PAGE2B: variants seen among roughly 807,000 people sequenced by gnomAD.
PAGE2B encodes putative G antigen family E member 3.
PAGE2B carries 5 observed loss-of-function variants against 7.6 expected under a neutral mutation model. The observed-to-expected ratio is 0.66, with a 90% CI of 0.34 to 1.38. The LOEUF is 1.38. Ranked by LOEUF, PAGE2B falls within the 40% of genes most tolerant of loss-of-function variation. PAGE2B has a pLI of 0.04. For synonymous variants in PAGE2B, 29 were observed against 26.7 expected (o/e 1.09, Z -0.27); for missense variants, 70 against 78.4 (o/e 0.89, Z 0.41).
chrX:55,043,911 A>C, the PAGE2B span, among the ~76,000 whole-genome samples: 1 of 108,986 alleles, frequency 9.2e-6, no homozygotes, highest in Non-Finnish European at 1.9e-5. Context: ...GGTTGCGGTG[A>C]GCCAAGATCG....
chrX:55,058,041 C>T, the PAGE2B span, among the ~76,000 whole-genome samples: 1 of 111,212 alleles, frequency 9.0e-6, no homozygotes, highest in South Asian at 3.7e-4. Flanking sequence ...TGGGAAAATA[C>T]ATTCTGCTCT....
the PAGE2B span, among the ~76,000 whole-genome samples, chrX:55,056,597 C>T: frequency 2.7e-5 from 3 of 109,957 alleles, no homozygotes; most frequent in Non-Finnish European, 5.7e-5. Context: ...GGAGTGATGG[C>T]CTGGGGGTGA....
rs377147519 is a variant in PAGE2B at position 55,078,156 on chromosome X, G to A, written c.320-626G>A. Among the ~76,000 whole-genome samples, 193 of 20,490 alleles carry A rather than the reference G, an allele frequency of 9.4e-3. 4 individuals carry two copies. The highest frequency in any genetic ancestry group is 0.044 in the African/African-American group (134 of 3,023). The allele number at this position is 20,490 out of a possible 115,157, so 17.8% of individuals were successfully genotyped here. Reference sequence around the variant, plus strand: ...GTGTTGGTAATGGCTTAAAGCTAGCGTGGATATTCAGTTTACTGTATAAAC... The same window carrying A: ...GTGTTGGTAATGGCTTAAAGCTAGCATGGATATTCAGTTTACTGTATAAAC... On this transcript the variant is annotated intron_variant, in intron 4 of 4. Coordinates refer to ENST00000374971, the MANE Select transcript of PAGE2B (RefSeq NM_001015038.3).
chrX:55,043,396 T>C, the PAGE2B span, among the ~76,000 whole-genome samples: 1 of 110,394 alleles, frequency 9.1e-6, no homozygotes, highest in Admixed American at 9.6e-5. Flanking sequence ...GCAGAGTAAA[T>C]AGACAATCCA....
At chrX:55,052,415 T>C in the PAGE2B span, among the ~76,000 whole-genome samples, 1 of 112,653 alleles carries the variant, frequency 8.9e-6, no homozygotes, top group African/African-American at 3.2e-5. Flanking sequence ...AGGTGGAGCC[T>C]ACAGAGGCAG....
chrX:55,066,951 T>A, the PAGE2B span, among the ~76,000 whole-genome samples: 2 of 111,873 alleles, frequency 1.8e-5, no homozygotes, highest in Non-Finnish European at 3.8e-5. Context: ...ATTTTCTAAA[T>A]CTTTTAGGCA....
the PAGE2B span, among the ~76,000 whole-genome samples, chrX:55,041,684 T>TC: frequency 2.7e-5 from 3 of 111,300 alleles, no homozygotes; most frequent in African/African-American, 9.8e-5. Flanking sequence ...TCCCCTATGC[T>TC]CCCCCACACA....
the PAGE2B span, among the ~76,000 whole-genome samples, chrX:55,059,732 A>G: frequency 9.0e-6 from 1 of 111,153 alleles, no homozygotes; most frequent in Non-Finnish European, 1.9e-5. Flanking sequence ...TCTCCTTCCT[A>G]ACTGAAACTT....
At chrX:55,073,972 CCAAA>C (rs1196393431), upstream of PAGE2B, among the ~76,000 whole-genome samples, 4 of 111,084 alleles carry the variant, frequency 3.6e-5, no homozygotes, top group Admixed American at 3.8e-4. Context: ...CACATGGTTT[CCAAA>C]CAGATTGTTT....
At chrX:55,035,058 A>G in the PAGE2B span, among the ~76,000 whole-genome samples, 1 of 109,972 alleles carries the variant, frequency 9.1e-6, no homozygotes, top group South Asian at 3.9e-4. Flanking sequence ...CAATTAGATG[A>G]TACCCACCCA....
the PAGE2B span, chrX:55,044,994 G>C: frequency 9.0e-6 from 1 of 111,642 alleles, no homozygotes. Flanking sequence ...CTCTACTATT[G>C]ATTCTTTTAT....
At chrX:55,040,456 C>T in the PAGE2B span, among the ~76,000 whole-genome samples, 1 of 111,390 alleles carries the variant, frequency 9.0e-6, no homozygotes. Flanking sequence ...CATGTCCCTA[C>T]AAAGGGCATG....
chrX:55,065,739 A>G, the PAGE2B span, among the ~76,000 whole-genome samples: 1 of 111,539 alleles, frequency 9.0e-6, no homozygotes, highest in Admixed American at 9.6e-5. Flanking sequence ...GGCTATCATG[A>G]GGTTTGCAAA....
At chrX:55,062,006 A>G in the PAGE2B span, among the ~76,000 whole-genome samples, 1 of 111,806 alleles carries the variant, frequency 8.9e-6, no homozygotes, top group Non-Finnish European at 1.9e-5. Context: ...GTTGATGGAC[A>G]CTTAGGTTGC....
chrX:55,029,534 C>CT, the PAGE2B span, among the ~76,000 whole-genome samples: 1 of 111,450 alleles, frequency 9.0e-6, no homozygotes, highest in Non-Finnish European at 1.9e-5. Context: ...ATATTACTAC[C>CT]TTTTTTTCTT....
At chrX:55,028,156 T>C in the PAGE2B span, among the ~76,000 whole-genome samples, 4 of 111,132 alleles carry the variant, frequency 3.6e-5, no homozygotes, top group East Asian at 8.5e-4. Flanking sequence ...TTCCCCTGCC[T>C]GCTTGTGAAA....
the PAGE2B span, among the ~76,000 whole-genome samples, chrX:55,068,595 C>T: frequency 1.8e-5 from 2 of 111,623 alleles, no homozygotes; most frequent in Non-Finnish European, 3.8e-5. Context: ...GTAGCTTGAT[C>T]GGGATAGCAT....
chrX:55,043,402 A>G, the PAGE2B span, among the ~76,000 whole-genome samples: 1 of 111,490 alleles, frequency 9.0e-6, no homozygotes, highest in Admixed American at 9.5e-5. Context: ...TAAATAGACA[A>G]TCCACAGAGT....
At chrX:55,031,218 C>T in the PAGE2B span, among the ~76,000 whole-genome samples, 1 of 111,327 alleles carries the variant, frequency 9.0e-6, no homozygotes, top group Non-Finnish European at 1.9e-5. Context: ...GGAATCAGAC[C>T]ATCCACATAG....
Sources: allele counts gnomAD v4.1 joint callset (sites outside exome capture counted in the v4.1 genomes callset), GRCh38; gene constraint gnomAD v4.1.1; transcripts MANE v1.5; gene names NCBI Gene and HGNC (gene_info 2026-07-23, HGNC 2026-07-21).